TARBP1: variants seen among roughly 807,000 people sequenced by gnomAD.
The protein encoded by TARBP1 is tRNA (guanosine(18)-2'-O)-methyltransferase TARBP1.
Under a neutral mutation model 178.6 loss-of-function variants are expected in TARBP1, and 144 were observed. The observed-to-expected ratio is 0.81, with a 90% CI of 0.70 to 0.93. The LOEUF is 0.93. Ranked by LOEUF, TARBP1 falls within the 40% of genes least tolerant of loss-of-function variation. TARBP1 has a pLI of 0.00. For missense variants in TARBP1, 2,067 were observed against 2,011.7 expected (o/e 1.03, Z -0.53); for synonymous variants, 787 against 781.0 (o/e 1.01, Z -0.13).
rs1428225594 is a variant in TARBP1 at position 234,406,013 on chromosome 1, A to G, written c.3879T>C (p.Ala1293=). The change falls in exon 24 of 30, where the codon GCT becomes GCC. Residue 1293 remains alanine, a synonymous_variant. Coordinates refer to ENST00000040877, the MANE Select transcript of TARBP1 (RefSeq NM_005646.4). ...NFSVRLYALV[A]LKKLWTVCKV... is the part of the protein sequence containing the mutation. ...TACACACAGTCCAGAGTTTCTTAAG[A>G]GCAACTAAAGCATACAGTCGAACAC... 6.2e-7 allele frequency: 1 copy of G among 1,614,240 alleles called. No individual in the cohort carries two copies. The highest frequency in any genetic ancestry group is 8.5e-7 in the Non-Finnish European group (1 of 1,180,032).
Position 234,419,101 on chromosome 1 carries a change from G to A in TARBP1, c.3556-868C>T, listed in dbSNP as rs1029704756. ...GCAGGAGAATGGCGTGAACCCTGGG[G>A]GGCGGAGCCTGCAGTGAGCCGAGAT... On this transcript the variant is annotated intron_variant, in intron 21 of 29. Coordinates refer to ENST00000040877, the MANE Select transcript of TARBP1 (RefSeq NM_005646.4). 7.4e-4 allele frequency among the ~76,000 whole-genome samples: 112 copies of A among 152,168 alleles called. 1 individual carries two copies. The highest frequency in any genetic ancestry group is 3.5e-3 in the East Asian group (18 of 5,174).
chr1:234,434,228 T>C (rs1040528465), intron 13 of TARBP1, among the ~76,000 whole-genome samples: 5 of 152,296 alleles, frequency 3.3e-5, no homozygotes, highest in African/African-American at 1.2e-4. Flanking sequence ...CTTGTCCTTG[T>C]CCATAATATA....
intron 26 of TARBP1, among the ~76,000 whole-genome samples, chr1:234,395,632 A>C (rs1406789158): frequency 6.6e-6 from 1 of 152,254 alleles, no homozygotes; most frequent in African/African-American, 2.4e-5. Flanking sequence ...TCCCGGTGCT[A>C]ATGTCCAGTC....
rs1166002733 is a variant in TARBP1 at position 234,459,273 on chromosome 1, G to C, written c.1589C>G (p.Ala530Gly). 1 of 1,613,126 alleles carries C rather than the reference G, an allele frequency of 6.2e-7. No individual in the cohort carries two copies. Among genetic ancestry groups the C allele is most frequent in the Admixed American group, 1.7e-5 (1 of 59,820 alleles). The change falls in exon 8 of 30, where the codon GCC becomes GGC. Residue 530 changes from alanine to glycine, a missense_variant. Physicochemically the swap from Ala to Gly is moderately conservative, Grantham distance 60. Coordinates refer to ENST00000040877, the MANE Select transcript of TARBP1 (RefSeq NM_005646.4). ...AGCTGTTTGAAGAAGGTAGCATTGG[G>C]CTGCCCCTCTCAGGAGAATCTGATG... is the stretch of plus-strand genomic sequence containing the variant. Reference protein sequence around the residue: ...ITHQILLRGAAQCYLLQTAMN... With the variant: ...ITHQILLRGAGQCYLLQTAMN...
At position 234,450,490 on chromosome 1, in the gene TARBP1, G is replaced by A; in HGVS notation, c.1799C>T (p.Thr600Ile). The change falls in exon 10 of 30, where the codon ACA becomes ATA. Residue 600 changes from threonine (T) to isoleucine (I), a missense_variant. Physicochemically the swap from Thr to Ile is moderately conservative, Grantham distance 89 (BLOSUM62 -1). Coordinates refer to ENST00000040877, the MANE Select transcript of TARBP1 (RefSeq NM_005646.4). ...PTCSSIGLHKTSLNAYVKSIV... is the reference protein window; with the variant it reads ...PTCSSIGLHKISLNAYVKSIV... ...GCTCTTTACATAAGCATTTAAAGATGTCTTGTGAAGTCCAATGGAGCTACA... is the reference window on the plus strand; with the variant it reads ...GCTCTTTACATAAGCATTTAAAGATATCTTGTGAAGTCCAATGGAGCTACA... The A allele has an allele frequency of 1.2e-6, 2 of 1,611,480 alleles. No individual in the cohort carries two copies. Among genetic ancestry groups the A allele is most frequent in the Non-Finnish European group, 1.7e-6 (2 of 1,178,972 alleles).
chr1:234,477,832 TATC>T (rs1190064809), intron 1 of TARBP1, among the ~76,000 whole-genome samples: 11 of 152,210 alleles, frequency 7.2e-5, no homozygotes, highest in Admixed American at 3.3e-4. Context: ...ACTTGATAGA[TATC>T]AACCGTTTCT....
At chr1:234,418,336 T>G in intron 21 of TARBP1, 103 bp from the exon 22 acceptor site, 2 of 1,023,892 alleles carry the variant, frequency 2.0e-6, no homozygotes, top group South Asian at 3.6e-5. Flanking sequence ...TCATAAGTAA[T>G]TTATTGGATC....
chr1:234,418,996 C>G (rs1210657740), intron 21 of TARBP1, among the ~76,000 whole-genome samples: 1 of 151,880 alleles, frequency 6.6e-6, no homozygotes, highest in Non-Finnish European at 1.5e-5. Context: ...CACGGTGAAA[C>G]CCCGTCTCTA....
intron 13 of TARBP1, among the ~76,000 whole-genome samples, chr1:234,435,696 G>A (rs759701895): frequency 1.3e-5 from 2 of 152,194 alleles, no homozygotes; most frequent in Non-Finnish European, 2.9e-5. Flanking sequence ...TGAGCATATA[G>A]CGTAAGTCCA....
chr1:234,459,256 G>C lies in TARBP1; in HGVS notation c.1606C>G (p.Gln536Glu). The C allele has an allele frequency of 6.2e-7, 1 of 1,612,474 alleles. No individual in the cohort carries two copies. The highest frequency in any genetic ancestry group is 8.5e-7 in the Non-Finnish European group (1 of 1,179,502). ...LRGAAQCYLLQTAMNLLDVEK... is the reference protein window; with the variant it reads ...LRGAAQCYLLETAMNLLDVEK... ...ACATCTAGCAAATTCATAGCTGTTT[G>C]AAGAAGGTAGCATTGGGCTGCCCCT... is the stretch of plus-strand genomic sequence containing the variant. Residue 536 changes from glutamine (Q) to glutamate (E), a missense_variant, in exon 8 of 30, where the codon CAA becomes GAA. Gln to Glu is a conservative substitution (Grantham distance 29). Transcript: ENST00000040877.
intron 9 of TARBP1, among the ~76,000 whole-genome samples, chr1:234,456,162 A>C (rs1667251745): frequency 6.6e-6 from 1 of 152,232 alleles, no homozygotes; most frequent in Admixed American, 6.5e-5. Flanking sequence ...TATCCTAAAA[A>C]ACAGGTATAA....
At chr1:234,472,108 G>T (rs911116247) in intron 2 of TARBP1, among the ~76,000 whole-genome samples, 8 of 152,086 alleles carry the variant, frequency 5.3e-5, no homozygotes, top group Non-Finnish European at 1.2e-4. Context: ...AGGCCAAGGC[G>T]GGTGGATTAC....
intron 26 of TARBP1, among the ~76,000 whole-genome samples, chr1:234,397,218 G>GA (rs1172046628): frequency 6.2e-5 from 1 of 16,182 alleles, no homozygotes; most frequent in Non-Finnish European, 1.4e-4. Context: ...AGAGGAGGAG[G>GA]AGGGGGAGGA....
intron 22 of TARBP1, among the ~76,000 whole-genome samples, chr1:234,411,854 G>A (rs1661860021): frequency 6.6e-6 from 1 of 152,086 alleles, no homozygotes; most frequent in Non-Finnish European, 1.5e-5. Context: ...CAGACAGATT[G>A]GAAAGAAAAG....
chr1:234,442,668 A>G (rs1195897583), intron 12 of TARBP1, among the ~76,000 whole-genome samples: 1 of 152,172 alleles, frequency 6.6e-6, no homozygotes, highest in African/African-American at 2.4e-5. Flanking sequence ...TATATAGTCA[A>G]CTCCTTAAAT....
At chr1:234,448,011 C>A (rs373486408) in intron 11 of TARBP1, among the ~76,000 whole-genome samples, 26 of 152,196 alleles carry the variant, frequency 1.7e-4, no homozygotes, top group African/African-American at 6.3e-4. Context: ...GCAATCGTGG[C>A]TCACTGCAAC....
chr1:234,446,779 C>A (rs1396466437), intron 12 of TARBP1, 24 bp downstream of exon 12: 1 of 1,608,950 alleles, frequency 6.2e-7, no homozygotes. Context: ...AAGCAAGATA[C>A]CAAGAGAAAC....
At chr1:234,401,908 C>A (rs997695621) in intron 24 of TARBP1, among the ~76,000 whole-genome samples, 1 of 152,134 alleles carries the variant, frequency 6.6e-6, no homozygotes, top group Non-Finnish European at 1.5e-5. Flanking sequence ...CTTCTTCCTG[C>A]CACCTCCTTA....
In TARBP1 at chr1:234,391,546, ACAG is replaced by A; in HGVS notation, c.*28_*30del. On this transcript the variant is annotated 3_prime_UTR_variant, in exon 30 of 30. Transcript: ENST00000040877. ...AATAGTTTTTTTTAAAAAAGTCTGA[ACAG>A]CAGCAGCAGTTCACTAAGGAAGGCA... is the stretch of plus-strand genomic sequence containing the variant. 3.9e-6 allele frequency: 6 copies of A among 1,558,442 alleles called. No individual in the cohort carries two copies. The highest frequency in any genetic ancestry group is 2.0e-5 in the Admixed American group (1 of 50,782).
Sources: gnomAD v4.1 joint callset for allele counts (sites outside exome capture counted in the v4.1 genomes callset) on GRCh38, gnomAD v4.1.1 for gene constraint, MANE v1.5 for transcripts, NCBI Gene and HGNC (gene_info 2026-07-23, HGNC 2026-07-21) for gene names.